The following POLR1E variants were observed in gnomAD, a reference collection of about 807,000 sequenced individuals.
POLR1E encodes RNA polymerase I subunit E.
POLR1E carries 37 observed loss-of-function variants against 50.9 expected under a neutral mutation model. That is an observed-to-expected ratio of 0.73 (90% CI 0.56 to 0.96). POLR1E has a LOEUF of 0.96. Ranked by LOEUF, POLR1E falls within the 40% of genes least tolerant of loss-of-function variation. The pLI, the probability that POLR1E is intolerant of heterozygous loss-of-function variation, is 0.00. For synonymous variants in POLR1E, 166 were observed against 191.6 expected (o/e 0.87, Z 1.10); for missense variants, 426 against 518.1 (o/e 0.82, Z 1.73).
In POLR1E at chr9:37,487,922, A is replaced by G; in HGVS notation, c.240A>G (p.Lys80=). The change falls in exon 3 of 12, where the codon AAA becomes AAG. Residue 80 remains lysine, a synonymous_variant. Coordinates refer to ENST00000377798, the MANE Select transcript of POLR1E (RefSeq NM_022490.4). ...VGNNFGTGAL[K]CNTLCRHFVG... ...ACAATTTTGGGACTGGAGCCCTCAA[A>G]TGCAACACTTTGTGCAGGTAATGGC... The G allele has an allele frequency of 6.2e-7, 1 of 1,614,164 alleles. No individual in the cohort carries two copies. The highest frequency in any genetic ancestry group is 8.5e-7 in the Non-Finnish European group (1 of 1,180,010).
At chr9:37,492,805 C>A in intron 5 of POLR1E, 90 bp downstream of exon 5, 1 of 1,157,116 alleles carries the variant, frequency 8.6e-7, no homozygotes, top group Non-Finnish European at 1.3e-6. Flanking sequence ...TTGTTGAACT[C>A]AAGGGTCTCC....
At position 37,497,370 on chromosome 9, in the gene POLR1E, CA is replaced by C. The variant is rs564194858; in HGVS notation, c.753-718del. ...ACTCAGTCTCAAACAAACAAACAAA[CA>C]AACAAAAAAAGAAACTTGCCTAAAC... is the stretch of plus-strand genomic sequence containing the variant. On this transcript the variant is annotated intron_variant, in intron 8 of 11. Transcript: ENST00000377798. Among the ~76,000 whole-genome samples, 250 of 152,064 alleles carry C rather than the reference CA, an allele frequency of 1.6e-3. 3 individuals carry two copies. Among genetic ancestry groups the C allele is most frequent in the Admixed American group, 2.6e-3 (40 of 15,290 alleles).
intron 11 of POLR1E, 124 bp from the exon 12 acceptor site, chr9:37,502,919 C>T (rs1820915227): frequency 2.8e-6 from 3 of 1,088,048 alleles, no homozygotes; most frequent in African/African-American, 3.2e-5. Flanking sequence ...TTTGTGCCTG[C>T]TGGCAACCTT....
rs1452020785 is a variant in POLR1E at position 37,485,977 on chromosome 9, C to T, written c.-71C>T. On this transcript the variant is annotated 5_prime_UTR_variant, in exon 1 of 12. Coordinates refer to ENST00000377798, the MANE Select transcript of POLR1E (RefSeq NM_022490.4). ...TCCGGCCCGCAGCGCGGCCTGGGCT[C>T]CCGCGTGTTTAAAAGTGCGCTTGTG... The T allele has an allele frequency of 7.8e-6, 12 of 1,546,596 alleles. No homozygotes were observed. The highest frequency in any genetic ancestry group is 2.4e-5 in the East Asian group (1 of 41,978).
chr9:37,501,866 G>C (rs1226249482), intron 11 of POLR1E, 22 bp downstream of exon 11: 2 of 1,606,046 alleles, frequency 1.2e-6, no homozygotes, highest in Admixed American at 3.4e-5. Flanking sequence ...AGAATAAAGA[G>C]CTCCCTGCAG....
intron 8 of POLR1E, among the ~76,000 whole-genome samples, 194 bp from the exon 9 acceptor site, chr9:37,497,897 G>A (rs969329538): frequency 9.2e-5 from 14 of 152,130 alleles, no homozygotes; most frequent in African/African-American, 3.4e-4. Flanking sequence ...CGAGTAGCTG[G>A]GACCACACAC....
chr9:37,492,136 A>C lies in POLR1E; in HGVS notation c.344-521A>C. 3 of 516,832 alleles carry C rather than the reference A, an allele frequency of 5.8e-6. No homozygotes were observed. The South Asian group carries it at 6.3e-5, about 11-fold the overall frequency. 32.0% of individuals were successfully genotyped at this position (516,832 alleles called of 1,614,324 possible). A position where few individuals can be genotyped will look rare whatever the true frequency, so the allele number is the denominator to read the frequency against. ...GGCACAGAGGTTAGATGACCTTATCAGGGGTGATGGCTGAGATAACAGGCA... is the reference window on the plus strand; with the variant it reads ...GGCACAGAGGTTAGATGACCTTATCCGGGGTGATGGCTGAGATAACAGGCA... On this transcript the variant is annotated intron_variant, in intron 4 of 11. Transcript: ENST00000377798.
intron 2 of POLR1E, 102 bp downstream of exon 2, chr9:37,486,908 T>C: frequency 1.4e-6 from 2 of 1,383,640 alleles, no homozygotes; most frequent in Admixed American, 2.5e-5. Context: ...AGGGGAGTAG[T>C]AGCAAATGGA....
chr9:37,501,669 G>A, intron 10 of POLR1E, 44 bp from the exon 11 acceptor site: 12 of 1,594,252 alleles, frequency 7.5e-6, no homozygotes, highest in Non-Finnish European at 1.0e-5. Flanking sequence ...GAAATTGTCT[G>A]AGAGTTTAAT....
chr9:37,495,311 C>T (rs940264637), intron 7 of POLR1E, 35 bp downstream of exon 7: 2 of 1,540,376 alleles, frequency 1.3e-6, no homozygotes, highest in Non-Finnish European at 1.8e-6. Context: ...TGCCTTATTT[C>T]ACAAGTTGAG....
rs575087661 is a variant in POLR1E at position 37,500,287 on chromosome 9, C to T, written c.887-553C>T. 2.2e-4 allele frequency among the ~76,000 whole-genome samples: 33 copies of T among 151,158 alleles called. 1 individual carries two copies. The highest frequency in any genetic ancestry group is 1.5e-3 in the South Asian group (7 of 4,754). ...GCAACCTCTGCCTCCTGGGTTCAAGCAATTGTCCTGCCTCAGCCTCCCAAG... is the reference window on the plus strand; with the variant it reads ...GCAACCTCTGCCTCCTGGGTTCAAGTAATTGTCCTGCCTCAGCCTCCCAAG... On this transcript the variant is annotated intron_variant, in intron 9 of 11. Transcript: ENST00000377798.
At chr9:37,490,374 G>C in intron 4 of POLR1E, 1 of 640,008 alleles carries the variant, frequency 1.6e-6, no homozygotes, top group Non-Finnish European at 2.8e-6. Context: ...ACTCAATGAA[G>C]AGAAACATTT....
At chr9:37,486,559 A>G (rs1352415906) in intron 1 of POLR1E, 144 bp from the exon 2 acceptor site, 2 of 1,597,340 alleles carry the variant, frequency 1.3e-6, no homozygotes, top group African/African-American at 1.3e-5. Context: ...GATCTCCTCC[A>G]GTTCCCTTTG....
At chr9:37,496,501 T>G (rs2119011567) in intron 8 of POLR1E, among the ~76,000 whole-genome samples, 1 of 152,154 alleles carries the variant, frequency 6.6e-6, no homozygotes, top group South Asian at 2.1e-4. Context: ...GCTTTTGAGT[T>G]TTTTCTTTTA....
chr9:37,495,977 AG>A lies in POLR1E; in HGVS notation c.745del (p.Glu249ArgfsTer9). ...VTSEEILKMI[E>X]ENSHCTFVIE... ...TCAGAAGAAATACTGAAGATGATTGAGGAGAACAGGTACCCTGACTTAAGCA... is the reference window on the plus strand; with the variant it reads ...TCAGAAGAAATACTGAAGATGATTGAGAGAACAGGTACCCTGACTTAAGCA... On this transcript the variant is annotated frameshift_variant, in exon 8 of 12. Transcript: ENST00000377798. LOFTEE classifies it high-confidence loss of function. The A allele has an allele frequency of 6.2e-7, 1 of 1,613,170 alleles. No homozygotes were observed. Among genetic ancestry groups the A allele is most frequent in the Middle Eastern group, 1.7e-4 (1 of 6,060 alleles).
chr9:37,501,615 G>T lies in POLR1E; in HGVS notation c.969-98G>T, dbSNP rs111614294. ...TTTCCTGAAGTTGGGAAGACATTCC[G>T]TGCATATGAGAATAGGATTGGATGT... On this transcript the variant is annotated intron_variant, in intron 10 of 11. Coordinates refer to ENST00000377798, the MANE Select transcript of POLR1E (RefSeq NM_022490.4). 20 of 1,412,040 alleles carry T rather than the reference G, an allele frequency of 1.4e-5. No individual in the cohort carries two copies. In the African/African-American group the frequency reaches 2.2e-4, roughly 15 times the overall value. 87.5% of individuals were successfully genotyped at this position (1,412,040 alleles called of 1,614,324 possible).
intron 2 of POLR1E, among the ~76,000 whole-genome samples, chr9:37,487,260 T>A (rs972033236): frequency 6.6e-6 from 1 of 152,154 alleles, no homozygotes; most frequent in South Asian, 2.1e-4. Flanking sequence ...GAGGGACACT[T>A]TTACACAAAG....
At chr9:37,501,644 T>C in intron 10 of POLR1E, 69 bp from the exon 11 acceptor site, 1 of 1,541,622 alleles carries the variant, frequency 6.5e-7, no homozygotes, top group Non-Finnish European at 8.8e-7. Flanking sequence ...TGGATGTTCT[T>C]ATTTTGCTTT....
intron 4 of POLR1E, chr9:37,490,838 AAAGGTCTAG>A (rs1208644873): frequency 1.2e-5 from 7 of 580,186 alleles, no homozygotes; most frequent in Non-Finnish European, 2.3e-5. Flanking sequence ...ATGTTTTCTA[AAAGGTCTAG>A]AGAACATATA....
Sources: allele counts gnomAD v4.1 joint callset (sites outside exome capture counted in the v4.1 genomes callset), GRCh38; gene constraint gnomAD v4.1.1; transcripts MANE v1.5; gene names NCBI Gene and HGNC (gene_info 2026-07-23, HGNC 2026-07-21).